Variants in ADGRV1 observed in about 807,000 individuals in gnomAD.
ADGRV1 encodes the protein G-protein coupled receptor 98.
Under a neutral mutation model 596.2 loss-of-function variants are expected in ADGRV1, and 359 were observed. The observed-to-expected ratio is 0.60, with a 90% CI of 0.55 to 0.66. The LOEUF is 0.66. Ranked by LOEUF, ADGRV1 falls within the 30% of genes least tolerant of loss-of-function variation. ADGRV1 has a pLI of 0.00. For synonymous variants in ADGRV1, 2,681 were observed against 2,679.2 expected (o/e 1.00, Z -0.02); for missense variants, 7,274 against 7,575.6 (o/e 0.96, Z 1.48).
chr5:90,789,741 G>T lies in ADGRV1; in HGVS notation c.13933G>T (p.Ala4645Ser). ...FGDPNGVVQFAPETLSKKTYS... is the reference protein window; with the variant it reads ...FGDPNGVVQFSPETLSKKTYS... ...TGACCCAAATGGAGTTGTTCAGTTT[G>T]CTCCTGAAACTTTGTCTAAGAAGAC... is the stretch of plus-strand genomic sequence containing the variant. The change falls in exon 69 of 90, where the codon GCT becomes TCT. Residue 4645 changes from alanine to serine, a missense_variant. Coordinates refer to ENST00000405460, the MANE Select transcript of ADGRV1 (RefSeq NM_032119.4). 1.3e-6 allele frequency: 2 copies of T among 1,559,606 alleles called. No individual in the cohort carries two copies. The highest frequency in any genetic ancestry group is 1.7e-6 in the Non-Finnish European group (2 of 1,148,978).
chr5:90,638,469 AAAT>A (rs780358982), intron 11 of ADGRV1, among the ~76,000 whole-genome samples: 3 of 152,122 alleles, frequency 2.0e-5, no homozygotes, highest in African/African-American at 7.2e-5. Flanking sequence ...TTTCAGTAAT[AAAT>A]AATAAGAATC....
chr5:90,647,581 G>T lies in ADGRV1; in HGVS notation c.3106G>T (p.Val1036Phe), dbSNP rs1207072022. The change falls in exon 17 of 90, where the codon GTC (valine) becomes TTC (phenylalanine). Residue 1036 changes from valine to phenylalanine, a missense_variant. Physicochemically the swap from Val to Phe is conservative, Grantham distance 50 (BLOSUM62 -1). This residue lies in a region of ADGRV1 where 1,715 missense variants were observed against 1,708.8 expected (regional missense o/e 1.00). Coordinates refer to ENST00000405460, the MANE Select transcript of ADGRV1 (RefSeq NM_032119.4). ...RNGSVDVTCM[V>F]QYATKDGKAT... ...TGGATCTGTTGATGTGACTTGCATG[G>T]TCCAGTATGCTACCAAGGATGGGAA... 5.0e-6 allele frequency: 8 copies of T among 1,613,878 alleles called. No individual in the cohort carries two copies. Among genetic ancestry groups the T allele is most frequent in the Non-Finnish European group, 6.8e-6 (8 of 1,179,844 alleles).
In ADGRV1 at chr5:90,789,835, C is replaced by T; in HGVS notation, c.14027C>T (p.Thr4676Ile). 6.9e-7 allele frequency: 1 copy of T among 1,447,082 alleles called. No homozygotes were observed. Among genetic ancestry groups the T allele is most frequent in the East Asian group, 2.4e-5 (1 of 40,924 alleles). 89.6% of individuals were successfully genotyped at this position (1,447,082 alleles called of 1,614,324 possible). A position where few individuals can be genotyped will look rare whatever the true frequency, so the allele number is the denominator to read the frequency against. The part of the protein sequence containing the change: ...ITFFVRRVKG[T>I]FGEIMVYWEL... The stretch of plus-strand genomic sequence containing the variant: ...TTCTTTGTCAGAAGAGTCAAGGGCA[C>T]CTTTGGAGAGATTATGGTATTACTT... Residue 4676 changes from threonine to isoleucine, a missense_variant, in exon 69 of 90, where the codon ACC becomes ATC. This residue lies in a region of ADGRV1 where 4 missense variants were observed against 20.7 expected (regional missense o/e 0.19). Coordinates refer to ENST00000405460, the MANE Select transcript of ADGRV1 (RefSeq NM_032119.4).
chr5:91,146,045 C>T (rs941083041), intron 87 of ADGRV1, among the ~76,000 whole-genome samples: 69 of 152,100 alleles, frequency 4.5e-4, no homozygotes, highest in African/African-American at 1.4e-3. Context: ...TTAAGAACCA[C>T]GGGAGAATGC....
At chr5:90,621,077 C>T (rs1208074901) in intron 4 of ADGRV1, among the ~76,000 whole-genome samples, 1 of 152,138 alleles carries the variant, frequency 6.6e-6, no homozygotes, top group African/African-American at 2.4e-5. Flanking sequence ...TAGGGCCCTT[C>T]TTGAGATAAA....
chr5:90,976,211 AGT>A (rs200164574), intron 84 of ADGRV1, among the ~76,000 whole-genome samples: 3,156 of 121,276 alleles, frequency 0.026, 118 homozygotes, highest in African/African-American at 0.11. Flanking sequence ...CTTGTGTGTG[AGT>A]GTGTATATAT....
chr5:90,628,310 G>C (rs527613004), intron 7 of ADGRV1, among the ~76,000 whole-genome samples: 2 of 151,970 alleles, frequency 1.3e-5, no homozygotes, highest in African/African-American at 4.8e-5. Flanking sequence ...TACTTGGGAG[G>C]CTAATGCAGG....
chr5:90,985,225 A>G, intron 84 of ADGRV1, 119 bp from the exon 85 acceptor site: 1 of 555,896 alleles, frequency 1.8e-6, no homozygotes, highest in Admixed American at 3.8e-5. Context: ...AAAAATCAAA[A>G]CTAATTATTA....
chr5:90,899,531 G>C (rs538610416), intron 83 of ADGRV1, among the ~76,000 whole-genome samples: 3 of 152,120 alleles, frequency 2.0e-5, no homozygotes, highest in Non-Finnish European at 4.4e-5. Flanking sequence ...CCAGAACCGC[G>C]TTCCAGATTG....
At chr5:90,759,729 G>C in intron 58 of ADGRV1, 141 bp downstream of exon 58, 2 of 699,940 alleles carry the variant, frequency 2.9e-6, no homozygotes, top group Non-Finnish European at 5.1e-6. Context: ...ACTTTGGGAG[G>C]CCGCAGCGGG....
At chr5:90,873,338 T>C (rs753533581) in intron 83 of ADGRV1, among the ~76,000 whole-genome samples, 5 of 152,148 alleles carry the variant, frequency 3.3e-5, no homozygotes, top group Non-Finnish European at 7.3e-5. Flanking sequence ...GTTTTGGTTG[T>C]AAGGGCGAAT....
chr5:90,961,918 A>G (rs1350728257), intron 83 of ADGRV1, among the ~76,000 whole-genome samples: 4 of 152,200 alleles, frequency 2.6e-5, no homozygotes, highest in African/African-American at 9.6e-5. Flanking sequence ...TTTGATTGTC[A>G]TTATGAGCCT....
chr5:91,131,999 C>T (rs1019379988), intron 87 of ADGRV1, among the ~76,000 whole-genome samples: 2 of 152,122 alleles, frequency 1.3e-5, no homozygotes, highest in Admixed American at 6.5e-5. Context: ...AGTCCAGTTT[C>T]ATTCTCCTGG....
intron 86 of ADGRV1, among the ~76,000 whole-genome samples, chr5:91,094,058 G>T (rs1368504838): frequency 1.3e-5 from 2 of 151,858 alleles, no homozygotes; most frequent in Admixed American, 1.3e-4. Context: ...CGCCATGTTC[G>T]CCAGGACAGT....
At chr5:90,617,646 G>T in intron 2 of ADGRV1, 158 bp from the exon 3 acceptor site, 1 of 597,902 alleles carries the variant, frequency 1.7e-6, no homozygotes. Flanking sequence ...AGTTTTTTCA[G>T]TTGTTAAATA....
At chr5:90,626,412 T>C (rs1161710828) in intron 6 of ADGRV1, 1 of 152,204 alleles carries the variant, frequency 6.6e-6, no homozygotes, top group Non-Finnish European at 1.5e-5. Flanking sequence ...ATTTGAAAGA[T>C]CAATCGAATC....
chr5:90,763,340 T>C lies in ADGRV1; in HGVS notation c.12156T>C (p.Pro4052=). The change falls in exon 59 of 90, where the codon CCT becomes CCC. Residue 4052 remains proline (P), a synonymous_variant. Coordinates refer to ENST00000405460, the MANE Select transcript of ADGRV1 (RefSeq NM_032119.4). ...MIDESLSSDD[P]DSYVTLTVVR... is the part of the protein sequence containing the mutation. ...ATGAATCCCTTTCATCCGATGACCC[T>C]GATTCATATGTGACATTGACGGTTG... 6.2e-7 allele frequency: 1 copy of C among 1,608,416 alleles called. No homozygotes were observed. The highest frequency in any genetic ancestry group is 1.3e-5 in the African/African-American group (1 of 74,930).
At chr5:90,707,395 A>G (rs1394590079) in intron 38 of ADGRV1, among the ~76,000 whole-genome samples, 1 of 152,130 alleles carries the variant, frequency 6.6e-6, no homozygotes, top group African/African-American at 2.4e-5. Context: ...TTCAATTACT[A>G]TGTATTTTGG....
chr5:90,942,262 A>G (rs1163464981), intron 83 of ADGRV1, among the ~76,000 whole-genome samples: 2 of 152,228 alleles, frequency 1.3e-5, no homozygotes, highest in African/African-American at 4.8e-5. Flanking sequence ...ATAAACTAAC[A>G]ATGCCAGGTA....
Sources: allele counts gnomAD v4.1 joint callset (sites outside exome capture counted in the v4.1 genomes callset), GRCh38; gene constraint gnomAD v4.1.1; regional missense constraint gnomAD v4.1.1; transcripts MANE v1.5; gene names NCBI Gene and HGNC (gene_info 2026-07-23, HGNC 2026-07-21).